The following CGNL1 variants were observed in gnomAD, a reference collection of about 807,000 sequenced individuals.
The protein encoded by CGNL1 is cingulin-like protein 1.
Under a neutral mutation model 141.2 loss-of-function variants are expected in CGNL1, and 132 were observed. The observed-to-expected ratio is 0.93, with a 90% CI of 0.81 to 1.08. The LOEUF (loss-of-function observed/expected upper bound fraction) is 1.08, where lower values mean the gene tolerates loss of function less well. CGNL1 is among the 50% of genes least tolerant of loss of function. CGNL1 has a pLI of 0.00. For synonymous variants in CGNL1, 690 were observed against 622.1 expected (o/e 1.11, Z -1.63); for missense variants, 1,870 against 1,588.6 (o/e 1.18, Z -3.01).
chr15:57,480,665 T>C (rs1595749205), intron 8 of CGNL1, among the ~76,000 whole-genome samples: 1 of 152,304 alleles, frequency 6.6e-6, no homozygotes, highest in South Asian at 2.1e-4. Flanking sequence ...GAAGAGATCA[T>C]TGGAAAGACA....
intron 1 of CGNL1, among the ~76,000 whole-genome samples, chr15:57,403,899 G>A (rs547248552): frequency 6.6e-6 from 1 of 152,302 alleles, no homozygotes; most frequent in East Asian, 1.9e-4. Context: ...CAGCCCCAGA[G>A]CCTAGTTGCC....
intron 14 of CGNL1, among the ~76,000 whole-genome samples, chr15:57,533,081 C>T (rs187298524): frequency 3.3e-5 from 5 of 152,258 alleles, no homozygotes; most frequent in East Asian, 1.9e-4. Context: ...GCTGCTTTTC[C>T]GTATTCTTTT....
At chr15:57,416,129 A>G (rs551386494) in intron 1 of CGNL1, among the ~76,000 whole-genome samples, 118 of 151,536 alleles carry the variant, frequency 7.8e-4, no homozygotes, top group African/African-American at 2.8e-3. Context: ...GTACTTCCAC[A>G]TTGCTGATCC....
chr15:57,446,683 T>C (rs2063256624), intron 4 of CGNL1, among the ~76,000 whole-genome samples: 1 of 150,738 alleles, frequency 6.6e-6, no homozygotes, highest in Admixed American at 6.6e-5. Context: ...TTTTTTTTTT[T>C]TGTAAACACA....
At chr15:57,453,598 T>G in intron 6 of CGNL1, 85 bp from the exon 7 acceptor site, 2 of 1,538,632 alleles carry the variant, frequency 1.3e-6, no homozygotes, top group Non-Finnish European at 1.8e-6. Context: ...GAGACTTGTG[T>G]AACCCTCTGA....
intron 8 of CGNL1, among the ~76,000 whole-genome samples, chr15:57,480,919 A>G (rs1366648560): frequency 1.3e-5 from 2 of 152,064 alleles, no homozygotes; most frequent in African/African-American, 2.4e-5. Context: ...TTGATATGTC[A>G]TTGTAGATTT....
chr15:57,413,390 G>A (rs1196250454), intron 1 of CGNL1, among the ~76,000 whole-genome samples: 1 of 151,404 alleles, frequency 6.6e-6, no homozygotes, highest in African/African-American at 2.4e-5. Context: ...CATCCTCCGA[G>A]CTCAGCCTCC....
chr15:57,439,175 C>T lies in CGNL1; in HGVS notation c.1176C>T (p.Ala392=), dbSNP rs1421996754. 1.9e-6 allele frequency: 3 copies of T among 1,614,096 alleles called. No homozygotes were observed. Among genetic ancestry groups the T allele is most frequent in the African/African-American group, 2.7e-5 (2 of 74,948 alleles). Residue 392 remains alanine (A), a synonymous_variant, in exon 2 of 19, where the codon GCC becomes GCT. Coordinates refer to ENST00000281282, the MANE Select transcript of CGNL1 (RefSeq NM_032866.5). ...AAAGATCCAGAAGCGTGGATAGCGC[C>T]TTTCCTTTTGGCCTCCAAGGGAACT... The part of the protein sequence containing the change: ...DRKRSRSVDS[A]FPFGLQGNSE...
At chr15:57,529,497 A>G (rs2140166720) in intron 13 of CGNL1, among the ~76,000 whole-genome samples, 1 of 152,104 alleles carries the variant, frequency 6.6e-6, no homozygotes, top group Admixed American at 6.5e-5. Flanking sequence ...GAAGAACCTT[A>G]GAATCACTCC....
chr15:57,435,543 G>GA, intron 1 of CGNL1, among the ~76,000 whole-genome samples: 1 of 151,628 alleles, frequency 6.6e-6, no homozygotes, highest in Admixed American at 6.6e-5. Flanking sequence ...AACTGAAAAT[G>GA]AAAGTTGACA....
chr15:57,458,327 T>C (rs962602703), intron 7 of CGNL1, among the ~76,000 whole-genome samples: 1 of 152,204 alleles, frequency 6.6e-6, no homozygotes, highest in African/African-American at 2.4e-5. Flanking sequence ...CCCGAGGTGA[T>C]GGAGTGAAGT....
At chr15:57,442,183 A>AAAAAAAAAAAAC (rs2063197303) in intron 3 of CGNL1, among the ~76,000 whole-genome samples, 190 bp from the exon 4 acceptor site, 1 of 10,318 alleles carries the variant, frequency 9.7e-5, no homozygotes, top group African/African-American at 2.9e-4. Flanking sequence ...CATTTATTTG[A>AAAAAAAAAAAAC]AAAAAAAAAA....
At chr15:57,439,687 G>GA in intron 2 of CGNL1, 86 bp downstream of exon 2, 1 of 1,264,548 alleles carries the variant, frequency 7.9e-7, no homozygotes, top group Non-Finnish European at 1.1e-6. Context: ...GAGGCCATAG[G>GA]AATTACACAT....
chr15:57,518,873 T>A (rs189574659), intron 10 of CGNL1, among the ~76,000 whole-genome samples: 2 of 152,346 alleles, frequency 1.3e-5, no homozygotes, highest in Admixed American at 1.3e-4. Flanking sequence ...TTAAAGAGCT[T>A]GACAGCTTTC....
intron 1 of CGNL1, among the ~76,000 whole-genome samples, chr15:57,423,797 C>T (rs979368586): frequency 6.6e-6 from 1 of 152,204 alleles, no homozygotes; most frequent in East Asian, 1.9e-4. Flanking sequence ...CCTGCTAGAG[C>T]ATAGATCCTC....
chr15:57,542,293 A>T (rs1185359037), intron 14 of CGNL1, among the ~76,000 whole-genome samples: 1 of 152,202 alleles, frequency 6.6e-6, no homozygotes. Context: ...CCTCTTAGCC[A>T]CGTTGGATCC....
chr15:57,446,758 T>A (rs1284634252), intron 4 of CGNL1, among the ~76,000 whole-genome samples: 1 of 151,896 alleles, frequency 6.6e-6, no homozygotes, highest in African/African-American at 2.4e-5. Flanking sequence ...TAGGTGTACT[T>A]TTAACTGTTA....
intron 7 of CGNL1, 43 bp from the exon 8 acceptor site, chr15:57,461,637 A>G (rs377304080): frequency 9.3e-5 from 144 of 1,545,732 alleles, no homozygotes; most frequent in Non-Finnish European, 1.2e-4. Flanking sequence ...TCTCAACAAG[A>G]TGTTTCATTG....
At chr15:57,437,555 G>C (rs1231927750) in intron 1 of CGNL1, among the ~76,000 whole-genome samples, 7 of 135,560 alleles carry the variant, frequency 5.2e-5, no homozygotes, top group African/African-American at 1.9e-4. Flanking sequence ...TCAAATGCTG[G>C]TAACTGGAAC....
Sources: allele counts gnomAD v4.1 joint callset (sites outside exome capture counted in the v4.1 genomes callset), GRCh38; gene constraint gnomAD v4.1.1; transcripts MANE v1.5; gene names NCBI Gene and HGNC (gene_info 2026-07-23, HGNC 2026-07-21).